TNKS: variants seen among roughly 807,000 people sequenced by gnomAD.
TNKS encodes the protein poly [ADP-ribose] polymerase tankyrase-1.
Under a neutral mutation model 135.8 loss-of-function variants are expected in TNKS, and 72 were observed. The ratio of observed to expected loss-of-function variants is 0.53; its 90% CI spans 0.44 to 0.64. The LOEUF (loss-of-function observed/expected upper bound fraction) is 0.64, where lower values mean the gene tolerates loss of function less well. TNKS is among the 30% of genes least tolerant of loss of function. The pLI is 0.00. For missense variants in TNKS, 1,769 were observed against 1,674.0 expected, an observed-to-expected ratio of 1.06 and a Z score of -0.99; for synonymous variants, 849 against 649.3, an observed-to-expected ratio of 1.31 and a Z score of -4.68.
In TNKS at chr8:9,735,019, G is replaced by A; in HGVS notation, c.2468G>A (p.Cys823Tyr). Residue 823 changes from cysteine to tyrosine, a missense_variant, in exon 16 of 27, where the codon TGT becomes TAT. Physicochemically the swap from Cys to Tyr is radical, Grantham distance 194. Around this residue, in one of 5 missense-constraint regions of TNKS, gnomAD observed 722 missense variants for 688.9 expected, o/e 1.05. Transcript: ENST00000310430. The part of the protein sequence containing the change: ...KGCLARVQKL[C>Y]TPENINCRDT... ...TGCCTGGCAAGAGTGCAGAAGCTCT[G>A]TACCCCAGAGAATATCAACTGCAGA... 1 of 1,614,164 alleles carries A rather than the reference G, an allele frequency of 6.2e-7. No homozygotes were observed. Among genetic ancestry groups the A allele is most frequent in the Non-Finnish European group, 8.5e-7 (1 of 1,180,018 alleles).
Position 9,709,985 on chromosome 8 carries a change from CGTAAACAAG to C in TNKS, c.1610_1618del (p.Arg537_Val540delinsLeu). On this transcript the variant is annotated inframe_deletion, in exon 10 of 27. Transcript: ENST00000310430. ...TGCTGTGGCCTCTCTGCATCCCAAA[CGTAAACAAG>C]TGACAGAATTGTTACTTAGAAAAGG... is the stretch of plus-strand genomic sequence containing the variant. 6.2e-7 allele frequency: 1 copy of C among 1,613,710 alleles called. No individual in the cohort carries two copies. Among genetic ancestry groups the C allele is most frequent in the Non-Finnish European group, 8.5e-7 (1 of 1,179,984 alleles).
chr8:9,730,402 A>G (rs1013762751), intron 13 of TNKS, among the ~76,000 whole-genome samples: 11 of 152,202 alleles, frequency 7.2e-5, no homozygotes, highest in African/African-American at 2.7e-4. Flanking sequence ...ACAGTCAATC[A>G]AAAGACCCAG....
At chr8:9,700,946 T>C (rs1026636851) in intron 5 of TNKS, among the ~76,000 whole-genome samples, 21 of 152,006 alleles carry the variant, frequency 1.4e-4, no homozygotes, top group African/African-American at 4.8e-4. Flanking sequence ...CTTTTTTTTT[T>C]TTTTTGAGAC....
intron 3 of TNKS, among the ~76,000 whole-genome samples, chr8:9,634,913 C>T (rs939894939): frequency 1.3e-5 from 2 of 151,758 alleles, no homozygotes; most frequent in Non-Finnish European, 2.9e-5. Context: ...CGCGGTGGCT[C>T]ACTCCTGTAA....
rs1798931458 is a variant in TNKS, at chr8:9,599,534, GTCA to G, written c.899-16046_899-16044del. The stretch of plus-strand genomic sequence containing the variant: ...TCTGATTCCTGGGACAGAACTTTCA[GTCA>G]TTATTCTCTATTGAGTTTCCAGGTA... On this transcript the variant is annotated intron_variant, in intron 2 of 26. Coordinates refer to ENST00000310430, the MANE Select transcript of TNKS (RefSeq NM_003747.3). 2.0e-5 allele frequency among the ~76,000 whole-genome samples: 3 copies of G among 152,144 alleles called. No individual in the cohort carries two copies. The South Asian group carries it at 6.2e-4, about 31-fold the overall frequency.
At chr8:9,588,774 G>A (rs938447158) in intron 2 of TNKS, among the ~76,000 whole-genome samples, 3 of 152,254 alleles carry the variant, frequency 2.0e-5, no homozygotes, top group African/African-American at 7.2e-5. Context: ...ATTTATAAAG[G>A]TTTACTGTGT....
At chr8:9,764,137 A>G (rs904886985) in intron 22 of TNKS, among the ~76,000 whole-genome samples, 1 of 151,866 alleles carries the variant, frequency 6.6e-6, no homozygotes, top group Non-Finnish European at 1.5e-5. Context: ...TTTTTTATTG[A>G]GTTAATTCTC....
intron 14 of TNKS, among the ~76,000 whole-genome samples, chr8:9,731,460 CAAAAAA>C (rs36213271): frequency 3.0e-5 from 2 of 67,508 alleles, no homozygotes; most frequent in Admixed American, 2.1e-4. Context: ...AATTCCATCT[CAAAAAA>C]AAAAAAAAAA....
intron 5 of TNKS, among the ~76,000 whole-genome samples, chr8:9,687,750 G>A (rs1803075215): frequency 1.3e-5 from 2 of 152,182 alleles, no homozygotes; most frequent in Admixed American, 6.5e-5. Flanking sequence ...GTTTCCTGCT[G>A]TTTTCCACTT....
At chr8:9,720,299 G>T in intron 11 of TNKS, 75 bp from the exon 12 acceptor site, 7 of 1,162,238 alleles carry the variant, frequency 6.0e-6, no homozygotes, top group Non-Finnish European at 7.0e-6. Context: ...TTTTTCATAA[G>T]AATGTATTTT....
At chr8:9,716,892 C>A (rs1049377508) in intron 11 of TNKS, among the ~76,000 whole-genome samples, 1 of 151,518 alleles carries the variant, frequency 6.6e-6, no homozygotes, top group African/African-American at 2.4e-5. Flanking sequence ...CTGATAGGGT[C>A]TGTCCCGTCT....
intron 1 of TNKS, among the ~76,000 whole-genome samples, chr8:9,578,842 A>T (rs1798055571): frequency 6.6e-6 from 1 of 152,214 alleles, no homozygotes; most frequent in African/African-American, 2.4e-5. Flanking sequence ...ATTAATTAAG[A>T]TTCTAGCTTG....
intron 3 of TNKS, among the ~76,000 whole-genome samples, chr8:9,652,615 T>C (rs1801187822): frequency 6.6e-6 from 1 of 152,216 alleles, no homozygotes; most frequent in African/African-American, 2.4e-5. Context: ...TTAATTCTTT[T>C]CATCAAAATT....
At position 9,700,174 on chromosome 8, in the gene TNKS, A is replaced by T. The variant is rs573585671; in HGVS notation, c.1108-4489A>T. Among the ~76,000 whole-genome samples the T allele has an allele frequency of 2.6e-5, 4 of 152,248 alleles. No individual in the cohort carries two copies. The South Asian group carries it at 6.2e-4, about 24-fold the overall frequency. On this transcript the variant is annotated intron_variant, in intron 5 of 26. Coordinates refer to ENST00000310430, the MANE Select transcript of TNKS (RefSeq NM_003747.3). ...CCTTCCATGGGATTTGTCCACATCC[A>T]CAGCATTTATATTGTATTGCCTGCT...
chr8:9,710,484 T>TTC, intron 11 of TNKS: 1 of 568,946 alleles, frequency 1.8e-6, no homozygotes, highest in Non-Finnish European at 3.1e-6. Context: ...AGATTTCATC[T>TTC]TTACATTACT....
At chr8:9,771,628 G>C (rs1279337312) in intron 26 of TNKS, among the ~76,000 whole-genome samples, 2 of 119,898 alleles carry the variant, frequency 1.7e-5, no homozygotes, top group African/African-American at 3.3e-5. Flanking sequence ...GAAGGAAAGA[G>C]GGAGGGAAAG....
Position 9,779,751 on chromosome 8 carries a change from G to C in TNKS, c.*3015G>C, listed in dbSNP as rs1281569233. ...ATGGGTATTAGGCCTCATGCGCTTT[G>C]CTCAGAACACTGCCGCTTTGTTAAC... is the stretch of plus-strand genomic sequence containing the variant. On this transcript the variant is annotated 3_prime_UTR_variant, in exon 27 of 27. Coordinates refer to ENST00000310430, the MANE Select transcript of TNKS (RefSeq NM_003747.3). 1 of 152,198 alleles carries C rather than the reference G, an allele frequency of 6.6e-6. No individual in the cohort carries two copies. The highest frequency in any genetic ancestry group is 1.5e-5 in the Non-Finnish European group (1 of 68,052). 9.4% of individuals were successfully genotyped at this position (152,198 alleles called of 1,614,324 possible).
Position 9,778,905 on chromosome 8 carries a change from G to T in TNKS, c.*2169G>T, listed in dbSNP as rs777734951. 6 of 152,204 alleles carry T rather than the reference G, an allele frequency of 3.9e-5. No individual in the cohort carries two copies. The highest frequency in any genetic ancestry group is 8.8e-5 in the Non-Finnish European group (6 of 68,042). The allele number at this position is 152,204 out of a possible 1,614,324, so 9.4% of individuals were successfully genotyped here. On this transcript the variant is annotated 3_prime_UTR_variant, in exon 27 of 27. Coordinates refer to ENST00000310430, the MANE Select transcript of TNKS (RefSeq NM_003747.3). ...GATAAACCACTACCTAACTGTGGTTGTATGTTGTTTCCATCATACTAACTA... is the reference window on the plus strand; with the variant it reads ...GATAAACCACTACCTAACTGTGGTTTTATGTTGTTTCCATCATACTAACTA...
rs1798439556 is a variant in TNKS at position 9,587,670 on chromosome 8, G to A, written c.898+7287G>A. Among the ~76,000 whole-genome samples, 8 of 152,254 alleles carry A rather than the reference G, an allele frequency of 5.3e-5. 1 individual carries two copies. The South Asian group carries it at 1.2e-3, about 24-fold the overall frequency. ...GCCCGCCTCGGCCTCCCAAAGTGCTGGGATTACAGGCGTGAGCCACTGCGC... is the reference window on the plus strand; with the variant it reads ...GCCCGCCTCGGCCTCCCAAAGTGCTAGGATTACAGGCGTGAGCCACTGCGC... On this transcript the variant is annotated intron_variant, in intron 2 of 26. Transcript: ENST00000310430.
Sources: allele counts gnomAD v4.1 joint callset (sites outside exome capture counted in the v4.1 genomes callset), GRCh38; gene constraint gnomAD v4.1.1; regional missense constraint gnomAD v4.1.1; transcripts MANE v1.5; gene names NCBI Gene and HGNC (gene_info 2026-07-23, HGNC 2026-07-21).